ZNF324B: variants seen among roughly 807,000 people sequenced by gnomAD.
The protein encoded by ZNF324B is zinc finger protein 324B.
In ZNF324B, 7 loss-of-function variants were observed where a neutral mutation model predicts 10.6. The ratio of observed to expected loss-of-function variants is 0.66; its 90% CI spans 0.38 to 1.24. The LOEUF (loss-of-function observed/expected upper bound fraction) is 1.24, where lower values mean the gene tolerates loss of function less well. Among genes scored for constraint, ZNF324B ranks in the 50% most tolerant of loss-of-function variants. ZNF324B has a pLI of 0.02. For synonymous variants in ZNF324B, 316 were observed against 321.0 expected, an observed-to-expected ratio of 0.98 and a Z score of 0.17; for missense variants, 640 against 764.7, an observed-to-expected ratio of 0.84 and a Z score of 1.92.
the ZNF324B span, among the ~76,000 whole-genome samples, chr19:58,420,460 G>A: frequency 4.5e-4 from 68 of 151,962 alleles, no homozygotes; most frequent in African/African-American, 1.2e-3. Context: ...CAGGATTGGC[G>A]GCTCATGCCT....
At chr19:58,435,248 A>T in the ZNF324B span, 1 of 1,580,432 alleles carries the variant, frequency 6.3e-7, no homozygotes, top group African/African-American at 1.4e-5. Context: ...TAAGAATTCC[A>T]CTTGGTGGGA....
the ZNF324B span, chr19:58,434,315 A>C: frequency 6.2e-7 from 1 of 1,614,196 alleles, no homozygotes; most frequent in African/African-American, 1.3e-5. Flanking sequence ...CATTTCAGGC[A>C]CTCAAAAGGC....
chr19:58,433,803 C>T, the ZNF324B span: 1 of 1,614,050 alleles, frequency 6.2e-7, no homozygotes. Flanking sequence ...CTTTCCCACA[C>T]TCACTACACT....
the ZNF324B span, chr19:58,435,172 T>G: frequency 2.5e-6 from 4 of 1,614,104 alleles, no homozygotes; most frequent in South Asian, 4.4e-5. Flanking sequence ...AACATTCTGC[T>G]TGGGATGGGC....
the ZNF324B span, chr19:58,434,455 T>C: frequency 1.2e-6 from 2 of 1,614,240 alleles, no homozygotes; most frequent in South Asian, 2.2e-5. Flanking sequence ...TGTGAGTTTG[T>C]GGTTGAAGGT....
chr19:58,425,140 C>A, the ZNF324B span, among the ~76,000 whole-genome samples: 3 of 152,078 alleles, frequency 2.0e-5, no homozygotes, highest in Non-Finnish European at 4.4e-5. Context: ...CCTGTAGTCC[C>A]AGCTACTCAG....
At chr19:58,451,175 G>A (rs2052852956), upstream of ZNF324B, among the ~76,000 whole-genome samples, 1 of 152,212 alleles carries the variant, frequency 6.6e-6, no homozygotes, top group Admixed American at 6.5e-5. Flanking sequence ...TGCACAGTCA[G>A]TGAGATGCAA....
chr19:58,427,490 CTTCCTTTCT>C, the ZNF324B span, among the ~76,000 whole-genome samples: 1 of 109,010 alleles, frequency 9.2e-6, no homozygotes, highest in South Asian at 2.6e-4. Context: ...TCCTTCCTTC[CTTCCTTTCT>C]TTCTTTTTCT....
Position 58,456,215 on chromosome 19 carries a change from C to A in ZNF324B, c.1271C>A (p.Pro424His), listed in dbSNP as rs868477566. The A allele has an allele frequency of 6.2e-7, 1 of 1,613,170 alleles. No individual in the cohort carries two copies. Among genetic ancestry groups the A allele is most frequent in the East Asian group, 2.2e-5 (1 of 44,876 alleles). Residue 424 changes from proline (P) to histidine (H), a missense_variant, in exon 4 of 4, where the codon CCC becomes CAC. Pro to His is a moderately conservative substitution (Grantham distance 77). Coordinates refer to ENST00000336614, the MANE Select transcript of ZNF324B (RefSeq NM_207395.3). The surrounding 1 kb of genome is among the most constrained non-coding windows in gnomAD (Gnocchi z 4.7). ...LHQRVHTGEK[P>H]FACAQCGRSF... is the part of the protein sequence containing the mutation. ...CAGCGCGTGCACACAGGCGAGAAGCCCTTCGCCTGCGCCCAGTGCGGCCGC... is the reference window on the plus strand; with the variant it reads ...CAGCGCGTGCACACAGGCGAGAAGCACTTCGCCTGCGCCCAGTGCGGCCGC...
At chr19:58,428,683 CAT>C in the ZNF324B span, 1 of 152,230 alleles carries the variant, frequency 6.6e-6, no homozygotes, top group East Asian at 1.9e-4. Context: ...ATGAGTGACA[CAT>C]AGGTCTGCAT....
At chr19:58,426,015 A>G in the ZNF324B span, among the ~76,000 whole-genome samples, 16 of 152,182 alleles carry the variant, frequency 1.1e-4, no homozygotes, top group African/African-American at 3.6e-4. Context: ...GTCTATTTTC[A>G]TATCCATTGA....
At chr19:58,433,161 G>T in the ZNF324B span, 2 of 717,386 alleles carry the variant, frequency 2.8e-6, no homozygotes, top group Non-Finnish European at 4.5e-6. Flanking sequence ...GGGTGAGATG[G>T]CCCTGCAAAG....
At chr19:58,439,179 G>A in the ZNF324B span, among the ~76,000 whole-genome samples, 1 of 152,126 alleles carries the variant, frequency 6.6e-6, no homozygotes, top group Non-Finnish European at 1.5e-5. Flanking sequence ...ACCTCCACGG[G>A]CACCCCTCTG....
the ZNF324B span, among the ~76,000 whole-genome samples, chr19:58,423,246 G>C: frequency 2.6e-5 from 4 of 152,110 alleles, no homozygotes; most frequent in Admixed American, 2.6e-4. Context: ...TGCAAGCTCT[G>C]CCTCCCGGGG....
the ZNF324B span, among the ~76,000 whole-genome samples, chr19:58,436,582 G>A: frequency 1.3e-5 from 2 of 150,746 alleles, no homozygotes; most frequent in African/African-American, 2.4e-5. Context: ...GCAGGAGAAT[G>A]GCGTGAACCT....
rs952954560 is a variant in ZNF324B at position 58,457,749 on chromosome 19, C to T, written c.*1170C>T. 6.6e-6 allele frequency: 1 copy of T among 151,974 alleles called. No individual in the cohort carries two copies. The highest frequency in any genetic ancestry group is 2.4e-5 in the African/African-American group (1 of 41,336). 9.4% of individuals were successfully genotyped at this position (151,974 alleles called of 1,614,324 possible). ...ACTAGGCCCCATCCTTACCTGAGAC[C>T]TCACCTCCAAGAAATTAATGGTCTT... On this transcript the variant is annotated 3_prime_UTR_variant, in exon 4 of 4. Transcript: ENST00000336614.
the ZNF324B span, among the ~76,000 whole-genome samples, chr19:58,425,237 C>G: frequency 6.7e-6 from 1 of 150,238 alleles, no homozygotes; most frequent in East Asian, 2.0e-4. Flanking sequence ...GCCTGGGCGA[C>G]AGAGCCAGAC....
chr19:58,449,261 G>T (rs1346954027), upstream of ZNF324B, among the ~76,000 whole-genome samples: 1 of 152,252 alleles, frequency 6.6e-6, no homozygotes, highest in African/African-American at 2.4e-5. Context: ...GATTTCAGAA[G>T]ATGTATGGAA....
chr19:58,456,274 C>T lies in ZNF324B; in HGVS notation c.1330C>T (p.Gln444Ter), dbSNP rs1305649587. The part of the protein sequence containing the change: ...FSRSSNLTQH[Q>*]LLHTGERPFR... ...CCGCAGCTCCAACCTCACCCAGCAC[C>T]AGCTCCTGCACACGGGCGAGCGGCC... The change falls in exon 4 of 4, where the codon CAG (glutamine) becomes TAG (stop). Residue 444 changes from glutamine (Q) to a stop codon, truncating the protein, a stop_gained. Transcript: ENST00000336614. LOFTEE classifies it low-confidence loss of function (END_TRUNC). This position sits in a 1 kb window ranked among gnomAD's most constrained non-coding sequence, Gnocchi z 4.7. 1 of 1,613,142 alleles carries T rather than the reference C, an allele frequency of 6.2e-7. No individual in the cohort carries two copies. Among genetic ancestry groups the T allele is most frequent in the South Asian group, 1.1e-5 (1 of 91,074 alleles).
Sources: gnomAD v4.1 joint callset for allele counts (sites outside exome capture counted in the v4.1 genomes callset) on GRCh38, gnomAD v4.1.1 for gene constraint, Gnocchi (gnomAD v3.1) non-coding constraint, MANE v1.5 for transcripts, NCBI Gene and HGNC (gene_info 2026-07-23, HGNC 2026-07-21) for gene names.